Variants in VAV3 observed in about 807,000 individuals in gnomAD.
VAV3 encodes vav guanine nucleotide exchange factor 3.
VAV3 carries 94 observed loss-of-function variants against 131.2 expected under a neutral mutation model. That is an observed-to-expected ratio of 0.72 (90% CI 0.61 to 0.85). The LOEUF (loss-of-function observed/expected upper bound fraction) is 0.85, where lower values mean the gene tolerates loss of function less well. Among genes scored for constraint, VAV3 ranks in the 40% least tolerant of loss-of-function variants. The probability of loss-of-function intolerance (pLI) is 0.00; values close to 1 mark genes in which losing one functional copy is unlikely to be tolerated. For synonymous variants in VAV3, 349 were observed against 342.0 expected (o/e 1.02, Z -0.22); for missense variants, 939 against 1,002.7 (o/e 0.94, Z 0.86).
intron 19 of VAV3, among the ~76,000 whole-genome samples, chr1:107,679,101 A>T (rs1459098442): frequency 6.6e-6 from 1 of 152,150 alleles, no homozygotes; most frequent in Admixed American, 6.5e-5. Context: ...TGAAAGAAAG[A>T]TTTCTTAGAT....
At chr1:107,709,946 C>CA (rs1408124464) in intron 15 of VAV3, among the ~76,000 whole-genome samples, 1 of 152,044 alleles carries the variant, frequency 6.6e-6, no homozygotes, top group Non-Finnish European at 1.5e-5. Flanking sequence ...AATATTTTTA[C>CA]AAAAAACTAT....
chr1:107,815,222 G>A (rs759390123), intron 2 of VAV3, among the ~76,000 whole-genome samples: 31 of 152,184 alleles, frequency 2.0e-4, no homozygotes, highest in Non-Finnish European at 3.1e-4. Context: ...AAAAATATCC[G>A]ACATTTACAT....
At chr1:107,667,562 G>T (rs561403897) in intron 19 of VAV3, among the ~76,000 whole-genome samples, 2 of 151,936 alleles carry the variant, frequency 1.3e-5, no homozygotes, top group African/African-American at 4.8e-5. Flanking sequence ...CATTAGTGAT[G>T]GTTTCGCTGA....
chr1:107,759,623 C>T (rs1416525653), intron 10 of VAV3, among the ~76,000 whole-genome samples: 1 of 152,092 alleles, frequency 6.6e-6, no homozygotes, highest in Non-Finnish European at 1.5e-5. Context: ...AAAAAGTCAT[C>T]ATGGAACTAA....
chr1:107,789,763 ATATTT>A (rs1666194704), intron 2 of VAV3, among the ~76,000 whole-genome samples: 1 of 152,230 alleles, frequency 6.6e-6, no homozygotes, highest in African/African-American at 2.4e-5. Context: ...TTTTAATCAT[ATATTT>A]TATTTAATTC....
chr1:107,933,504 C>T (rs1281052252), intron 1 of VAV3, among the ~76,000 whole-genome samples: 1 of 152,022 alleles, frequency 6.6e-6, no homozygotes, highest in African/African-American at 2.4e-5. Context: ...TACCCATTTC[C>T]TGCAATTGGA....
At chr1:107,742,649 C>G (rs188252973) in intron 15 of VAV3, among the ~76,000 whole-genome samples, 1 of 152,174 alleles carries the variant, frequency 6.6e-6, no homozygotes, top group African/African-American at 2.4e-5. Flanking sequence ...ATTCCCAGAT[C>G]CACGAGGCTT....
In VAV3 at chr1:107,722,840, C is replaced by CT. The variant is rs374127110; in HGVS notation, c.1503-17780dup. ...GTGTCAGAAAGCCCTATTATCCTCT[C>CT]TTTTTTTTTTTTTTTGTACGCTTAC... On this transcript the variant is annotated intron_variant, in intron 15 of 26. Transcript: ENST00000370056. 2.1e-3 allele frequency among the ~76,000 whole-genome samples: 278 copies of CT among 129,790 alleles called. 10 individuals carry two copies. Among genetic ancestry groups the CT allele is most frequent in the East Asian group, 7.0e-3 (31 of 4,430 alleles). The allele number at this position is 129,790 out of a possible 152,430, so 85.1% of individuals were successfully genotyped here. A position where few individuals can be genotyped will look rare whatever the true frequency, so the allele number is the denominator to read the frequency against.
intron 12 of VAV3, among the ~76,000 whole-genome samples, chr1:107,753,491 T>TACACACAC (rs1216589691): frequency 2.1e-5 from 2 of 97,268 alleles, no homozygotes; most frequent in Non-Finnish European, 4.3e-5. Flanking sequence ...TGTGTATATA[T>TACACACAC]ATACACACAT....
chr1:107,770,483 T>C (rs1664979684), intron 6 of VAV3, among the ~76,000 whole-genome samples, 153 bp downstream of exon 6: 1 of 152,236 alleles, frequency 6.6e-6, no homozygotes, highest in Admixed American at 6.5e-5. Context: ...CATAAATAGT[T>C]GTAAAATGAA....
chr1:107,730,826 C>A (rs1335243793), intron 15 of VAV3, among the ~76,000 whole-genome samples: 2 of 152,104 alleles, frequency 1.3e-5, no homozygotes, highest in Non-Finnish European at 2.9e-5. Context: ...AGGAAACTTT[C>A]ATCTTTAGAA....
chr1:107,780,516 CTTGT>C (rs933257589), intron 2 of VAV3, among the ~76,000 whole-genome samples: 127 of 152,122 alleles, frequency 8.3e-4, no homozygotes, highest in African/African-American at 2.8e-3. Context: ...AAAGTCTATT[CTTGT>C]TTGTTTCTTT....
intron 20 of VAV3, among the ~76,000 whole-genome samples, chr1:107,641,072 A>G (rs1655303713): frequency 6.6e-6 from 1 of 152,182 alleles, no homozygotes; most frequent in South Asian, 2.1e-4. Context: ...AAGAGGTGGT[A>G]GAATTCAAGT....
rs149680798 is a variant in VAV3 at position 107,768,834 on chromosome 1, G to T, written c.649-325C>A. On this transcript the variant is annotated intron_variant, in intron 6 of 26. Coordinates refer to ENST00000370056, the MANE Select transcript of VAV3 (RefSeq NM_006113.5). Reference sequence around the variant, plus strand: ...GCAACATTTTGGAGATGTATATGAAGACTTACACAGTAATATCTCCCAAAT... The same window carrying T: ...GCAACATTTTGGAGATGTATATGAATACTTACACAGTAATATCTCCCAAAT... 4.4e-3 allele frequency among the ~76,000 whole-genome samples: 668 copies of T among 152,268 alleles called. 5 individuals carry two copies. The highest frequency in any genetic ancestry group is 0.015 in the African/African-American group (640 of 41,556).
At chr1:107,749,775 C>T (rs1391663084) in intron 13 of VAV3, among the ~76,000 whole-genome samples, 181 bp from the exon 14 acceptor site, 1 of 152,078 alleles carries the variant, frequency 6.6e-6, no homozygotes, top group African/African-American at 2.4e-5. Context: ...TTCCCTTTAC[C>T]TTGTAAATGG....
chr1:107,630,033 C>A (rs1654331384), intron 20 of VAV3, among the ~76,000 whole-genome samples: 1 of 152,240 alleles, frequency 6.6e-6, no homozygotes, highest in South Asian at 2.1e-4. Context: ...GTACAAAAGA[C>A]ATTTTTGAAA....
At chr1:107,603,974 A>G (rs909233716) in intron 22 of VAV3, among the ~76,000 whole-genome samples, 1 of 146,034 alleles carries the variant, frequency 6.8e-6, no homozygotes, top group Non-Finnish European at 1.5e-5. Flanking sequence ...TCAAAACCAG[A>G]ATTCAATCTC....
chr1:107,602,916 G>C, intron 23 of VAV3, 131 bp downstream of exon 23: 6 of 685,484 alleles, frequency 8.8e-6, no homozygotes. Flanking sequence ...TTAATGAACT[G>C]TCTGGATAGA....
intron 21 of VAV3, among the ~76,000 whole-genome samples, chr1:107,617,330 A>G (rs1470406952): frequency 6.6e-6 from 1 of 152,158 alleles, no homozygotes; most frequent in Non-Finnish European, 1.5e-5. Flanking sequence ...AACCTTTTAG[A>G]CTACTTAGTT....
Sources: gnomAD v4.1 joint callset for allele counts (sites outside exome capture counted in the v4.1 genomes callset) on GRCh38, gnomAD v4.1.1 for gene constraint, MANE v1.5 for transcripts, NCBI Gene and HGNC (gene_info 2026-07-23, HGNC 2026-07-21) for gene names.